Variants in MAPK10 observed in about 807,000 individuals in gnomAD.
MAPK10 encodes the protein mitogen-activated protein kinase 10.
Under a neutral mutation model 59.3 loss-of-function variants are expected in MAPK10, and 25 were observed. The ratio of observed to expected loss-of-function variants is 0.42; its 90% CI spans 0.31 to 0.59. The LOEUF is 0.59. MAPK10 is among the 20% of genes least tolerant of loss of function. MAPK10 has a pLI of 0.15. For missense variants in MAPK10, 351 were observed against 568.9 expected (o/e 0.62, Z 3.90); for synonymous variants, 190 against 200.5 (o/e 0.95, Z 0.44).
intron 1 of MAPK10, among the ~76,000 whole-genome samples, chr4:86,564,431 A>T (rs1430323520): frequency 6.6e-6 from 1 of 152,240 alleles, no homozygotes; most frequent in Non-Finnish European, 1.5e-5. Context: ...AGCTTGTTTC[A>T]GAGCCTCTTG....
chr4:86,342,635 C>T (rs1004945320), intron 2 of MAPK10, among the ~76,000 whole-genome samples: 2 of 152,204 alleles, frequency 1.3e-5, no homozygotes, highest in African/African-American at 4.8e-5. Context: ...GCTAAAGGAC[C>T]TGTGCATAAT....
intron 1 of MAPK10, among the ~76,000 whole-genome samples, chr4:86,371,677 G>T (rs774824934): frequency 2.6e-5 from 4 of 152,092 alleles, no homozygotes; most frequent in Non-Finnish European, 5.9e-5. Flanking sequence ...TCCAACTGAG[G>T]TACCGGGCTC....
At chr4:86,338,456 G>A (rs1371044666) in intron 2 of MAPK10, among the ~76,000 whole-genome samples, 2 of 152,134 alleles carry the variant, frequency 1.3e-5, no homozygotes, top group African/African-American at 4.8e-5. Flanking sequence ...CCTGGTATTT[G>A]GGCTTCTTTC....
At chr4:86,038,216 G>T (rs1415299551) in intron 11 of MAPK10, among the ~76,000 whole-genome samples, 6 of 152,154 alleles carry the variant, frequency 3.9e-5, no homozygotes, top group African/African-American at 1.4e-4. Context: ...GTTGGTGTTT[G>T]TCTGCTTTGT....
At chr4:86,282,220 T>C (rs564581230) in intron 2 of MAPK10, among the ~76,000 whole-genome samples, 3 of 152,154 alleles carry the variant, frequency 2.0e-5, no homozygotes, top group Non-Finnish European at 4.4e-5. Context: ...AATATTCAAA[T>C]AGTGAATCAT....
At chr4:86,515,885 G>GTTTTTTTTTTGTTTTGT (rs1756620853) in intron 1 of MAPK10, among the ~76,000 whole-genome samples, 1 of 142,018 alleles carries the variant, frequency 7.0e-6, no homozygotes, top group Admixed American at 6.8e-5. Flanking sequence ...TTTTGTTGTT[G>GTTTTTTTTTTGTTTTGT]TTTTTTTTTT....
At chr4:86,117,873 C>G (rs1027553950) in intron 4 of MAPK10, 2 of 152,168 alleles carry the variant, frequency 1.3e-5, no homozygotes, top group Non-Finnish European at 2.9e-5. Flanking sequence ...GCCATGGCAA[C>G]AGTAAGTGCA....
intron 3 of MAPK10, among the ~76,000 whole-genome samples, chr4:86,172,490 C>T (rs1343454499): frequency 2.7e-5 from 4 of 150,862 alleles, no homozygotes; most frequent in South Asian, 2.1e-4. Context: ...AACCAAACAC[C>T]GCATGTTCTC....
chr4:86,265,683 AAG>A (rs1298461669), intron 2 of MAPK10, among the ~76,000 whole-genome samples: 1 of 152,170 alleles, frequency 6.6e-6, no homozygotes, highest in Non-Finnish European at 1.5e-5. Context: ...AGAGAAGAGA[AAG>A]AGATGTAAAG....
At chr4:86,587,515 T>C (rs906709342) in intron 1 of MAPK10, among the ~76,000 whole-genome samples, 9 of 152,246 alleles carry the variant, frequency 5.9e-5, no homozygotes, top group African/African-American at 2.2e-4. Flanking sequence ...GTGCTTCAAT[T>C]ATCTGCTCAT....
chr4:86,230,129 C>G (rs1310535064), intron 2 of MAPK10, among the ~76,000 whole-genome samples: 2 of 152,162 alleles, frequency 1.3e-5, no homozygotes, highest in Non-Finnish European at 2.9e-5. Context: ...AATAATCAAT[C>G]ATGCCTTAGA....
intron 1 of MAPK10, among the ~76,000 whole-genome samples, chr4:86,516,638 G>GTTGTTGT (rs1554276096): frequency 2.0e-5 from 3 of 151,490 alleles, no homozygotes; most frequent in Admixed American, 6.6e-5. Flanking sequence ...TTTTGTTGTT[G>GTTGTTGT]TTGTTTGTTT....
chr4:86,254,980 C>A (rs1236211010), intron 2 of MAPK10, among the ~76,000 whole-genome samples: 1 of 151,808 alleles, frequency 6.6e-6, no homozygotes, highest in Non-Finnish European at 1.5e-5. Context: ...GAAGATGTAA[C>A]ATAAAAGTGA....
intron 2 of MAPK10, among the ~76,000 whole-genome samples, chr4:86,303,958 A>G (rs1031800290): frequency 6.6e-6 from 1 of 152,194 alleles, no homozygotes; most frequent in Non-Finnish European, 1.5e-5. Context: ...ACACCTATGG[A>G]ATCAACAGTC....
intron 1 of MAPK10, among the ~76,000 whole-genome samples, chr4:86,586,285 T>C (rs1276271381): frequency 6.6e-6 from 1 of 152,194 alleles, no homozygotes; most frequent in East Asian, 1.9e-4. Context: ...ATTAGGCAGT[T>C]TGACTTCAGT....
chr4:86,469,255 AC>A (rs1480235672), intron 1 of MAPK10, among the ~76,000 whole-genome samples: 1 of 152,212 alleles, frequency 6.6e-6, no homozygotes, highest in Non-Finnish European at 1.5e-5. Flanking sequence ...TCTCAAAAAA[AC>A]AAAACAAAAC....
chr4:86,292,937 G>A (rs751847261), intron 2 of MAPK10, among the ~76,000 whole-genome samples: 1 of 152,164 alleles, frequency 6.6e-6, no homozygotes, highest in African/African-American at 2.4e-5. Context: ...CTCCTCTTAT[G>A]AGAAAGGTAC....
intron 2 of MAPK10, among the ~76,000 whole-genome samples, chr4:86,353,301 C>T (rs1436613704): frequency 6.6e-6 from 1 of 152,162 alleles, no homozygotes; most frequent in African/African-American, 2.4e-5. Context: ...AAAGCAAGGA[C>T]TGTCTTTTAT....
chr4:86,509,106 A>G (rs1756013626), intron 1 of MAPK10, among the ~76,000 whole-genome samples: 1 of 152,104 alleles, frequency 6.6e-6, no homozygotes, highest in South Asian at 2.1e-4. Flanking sequence ...ACTGTTGCTA[A>G]TTTCAAAAGC....
Sources: gnomAD v4.1 joint callset for allele counts (sites outside exome capture counted in the v4.1 genomes callset) on GRCh38, gnomAD v4.1.1 for gene constraint, MANE v1.5 for transcripts, NCBI Gene and HGNC (gene_info 2026-07-23, HGNC 2026-07-21) for gene names.